Variants in VEPH1 observed in about 807,000 individuals in gnomAD.
VEPH1 encodes ventricular zone-expressed PH domain-containing protein homolog 1.
A neutral mutation model predicts 85.2 loss-of-function variants in VEPH1; 80 were observed. The ratio of observed to expected loss-of-function variants is 0.94; its 90% CI spans 0.78 to 1.13. The LOEUF is 1.13. Ranked by LOEUF, VEPH1 falls within the 50% of genes most tolerant of loss-of-function variation. The pLI is 0.00. For missense variants in VEPH1, 955 were observed against 980.5 expected (o/e 0.97, Z 0.35); for synonymous variants, 297 against 348.0 (o/e 0.85, Z 1.63).
At chr3:157,454,095 G>C (rs1735183339) in intron 4 of VEPH1, among the ~76,000 whole-genome samples, 2 of 151,884 alleles carry the variant, frequency 1.3e-5, no homozygotes, top group Admixed American at 1.3e-4. Flanking sequence ...TTATTTGCAA[G>C]TCTGACTATC....
At chr3:157,319,725 T>C (rs931744125) in intron 9 of VEPH1, among the ~76,000 whole-genome samples, 1 of 152,188 alleles carries the variant, frequency 6.6e-6, no homozygotes, top group African/African-American at 2.4e-5. Context: ...TTCCTCCCTC[T>C]AAATTTTTAC....
intron 9 of VEPH1, among the ~76,000 whole-genome samples, chr3:157,351,771 G>T (rs1724895389): frequency 1.3e-5 from 2 of 152,138 alleles, no homozygotes; most frequent in African/African-American, 4.8e-5. Flanking sequence ...ATTTCAAGAA[G>T]CGAGGATCTG....
intron 9 of VEPH1, 125 bp downstream of exon 9, chr3:157,363,218 ACTAACATAATGTAAGGTATTT>A: frequency 2.7e-6 from 2 of 753,142 alleles, no homozygotes; most frequent in Non-Finnish European, 2.0e-6. Context: ...AAAAAAAAAA[ACTAACATAATGTAAGGTATTT>A]AAAAAAAATG....
At chr3:157,476,736 A>G (rs1010866693) in intron 2 of VEPH1, among the ~76,000 whole-genome samples, 2 of 152,220 alleles carry the variant, frequency 1.3e-5, no homozygotes, top group Admixed American at 6.5e-5. Context: ...TGTCAAGGGG[A>G]CCAGCAGATT....
intron 7 of VEPH1, among the ~76,000 whole-genome samples, chr3:157,365,608 C>A (rs1394394558): frequency 6.6e-6 from 1 of 152,148 alleles, no homozygotes; most frequent in Non-Finnish European, 1.5e-5. Flanking sequence ...TTCTGTTCAA[C>A]TTGGCTACAA....
intron 11 of VEPH1, among the ~76,000 whole-genome samples, chr3:157,291,200 C>G (rs1717437935): frequency 6.6e-6 from 1 of 152,116 alleles, no homozygotes; most frequent in African/African-American, 2.4e-5. Context: ...GACATGTAAG[C>G]AAGTATTTTT....
chr3:157,459,141 C>T lies in VEPH1; in HGVS notation c.529+1040G>A, dbSNP rs1446734629. 2.0e-5 allele frequency among the ~76,000 whole-genome samples: 3 copies of T among 152,228 alleles called. No homozygotes were observed. The East Asian group carries it at 5.8e-4, about 29-fold the overall frequency. ...AAGGACTTGGTTGTTCCTAAAGCTT[C>T]CAGTGGTTCAGCACAAAGACTGCCA... On this transcript the variant is annotated intron_variant, in intron 4 of 13. Transcript: ENST00000362010.
chr3:157,305,941 T>C (rs567201934), intron 11 of VEPH1, among the ~76,000 whole-genome samples: 1 of 152,336 alleles, frequency 6.6e-6, no homozygotes, highest in South Asian at 2.1e-4. Context: ...AACTTTGTTT[T>C]TCATGCTTGT....
intron 4 of VEPH1, among the ~76,000 whole-genome samples, chr3:157,438,570 G>C (rs1733862890): frequency 6.6e-6 from 1 of 152,080 alleles, no homozygotes; most frequent in African/African-American, 2.4e-5. Flanking sequence ...GTGCGGTTTG[G>C]GATTCAGCGT....
chr3:157,327,689 AAC>A (rs1722061353), intron 9 of VEPH1, among the ~76,000 whole-genome samples: 1 of 152,136 alleles, frequency 6.6e-6, no homozygotes, highest in Non-Finnish European at 1.5e-5. Flanking sequence ...GAAATCAAAT[AAC>A]ACACAGTGGT....
intron 4 of VEPH1, among the ~76,000 whole-genome samples, chr3:157,448,282 T>C (rs1734702648): frequency 6.6e-6 from 1 of 152,180 alleles, no homozygotes; most frequent in African/African-American, 2.4e-5. Context: ...TGATGAGATG[T>C]TACATTTTCT....
rs1417067119 is a variant in VEPH1 at position 157,369,193 on chromosome 3, A to ACAAAAAAAAAAAAAAAAAAC, written c.1128-4682_1128-4681insGTTTTTTTTTTTTTTTTTTG. On this transcript the variant is annotated intron_variant, in intron 7 of 13. Coordinates refer to ENST00000362010, the MANE Select transcript of VEPH1 (RefSeq NM_001167912.2). ...CAAAAACCAAATGAAAAAAAAAAAA[A>ACAAAAAAAAAAAAAAAAAAC]AAAAAAAAAAACCTCCTGAGGTCTA... is the stretch of plus-strand genomic sequence containing the variant. 6.4e-5 allele frequency among the ~76,000 whole-genome samples: 9 copies of ACAAAAAAAAAAAAAAAAAAC among 140,630 alleles called. No homozygotes were observed. In the East Asian group the frequency reaches 1.1e-3, roughly 17 times the overall value. The allele number at this position is 140,630 out of a possible 152,430, so 92.3% of individuals were successfully genotyped here.
At chr3:157,495,952 G>A (rs745960557) in intron 1 of VEPH1, among the ~76,000 whole-genome samples, 8 of 152,202 alleles carry the variant, frequency 5.3e-5, no homozygotes, top group Non-Finnish European at 7.3e-5. Flanking sequence ...CCTGGACACA[G>A]AAACCAGTGC....
At chr3:157,413,859 G>C (rs1199331389) in intron 6 of VEPH1, 22 bp downstream of exon 6, 13 of 1,610,316 alleles carry the variant, frequency 8.1e-6, no homozygotes, top group Non-Finnish European at 1.1e-5. Flanking sequence ...CAGGGGAATG[G>C]AGAGAAAAAA....
At chr3:157,491,989 AATG>A (rs1560109232) in intron 2 of VEPH1, among the ~76,000 whole-genome samples, 1 of 152,202 alleles carries the variant, frequency 6.6e-6, no homozygotes, top group Non-Finnish European at 1.5e-5. Flanking sequence ...GGGTAAGCAG[AATG>A]ATAAGAGTGT....
chr3:157,365,566 C>T (rs1259340247), intron 7 of VEPH1, among the ~76,000 whole-genome samples: 3 of 152,102 alleles, frequency 2.0e-5, no homozygotes, highest in African/African-American at 7.2e-5. Context: ...AGTTCAGATG[C>T]CAGTGAGAAG....
chr3:157,432,056 G>T (rs2109142113), intron 4 of VEPH1, among the ~76,000 whole-genome samples: 1 of 151,750 alleles, frequency 6.6e-6, no homozygotes, highest in Non-Finnish European at 1.5e-5. Context: ...CACTATGTTG[G>T]CCAGGCTGGT....
At chr3:157,297,955 A>T (rs1261320173) in intron 11 of VEPH1, among the ~76,000 whole-genome samples, 1 of 152,138 alleles carries the variant, frequency 6.6e-6, no homozygotes, top group Non-Finnish European at 1.5e-5. Context: ...CACACACAGG[A>T]TGATAATGAG....
chr3:157,415,300 G>A (rs1040028676), intron 5 of VEPH1: 5 of 152,162 alleles, frequency 3.3e-5, no homozygotes, highest in African/African-American at 1.2e-4. Context: ...CAATAAGTCT[G>A]AAAAGATTCA....
Sources: allele counts gnomAD v4.1 joint callset (sites outside exome capture counted in the v4.1 genomes callset), GRCh38; gene constraint gnomAD v4.1.1; transcripts MANE v1.5; gene names NCBI Gene and HGNC (gene_info 2026-07-23, HGNC 2026-07-21).